The following GREM2 variants were observed in gnomAD, a reference collection of about 807,000 sequenced individuals.
GREM2 encodes gremlin-2.
GREM2 carries 11 observed loss-of-function variants against 14.2 expected under a neutral mutation model. The ratio of observed to expected loss-of-function variants is 0.78; its 90% CI spans 0.49 to 1.28. GREM2 has a LOEUF of 1.28. Ranked by LOEUF, GREM2 falls within the 50% of genes most tolerant of loss-of-function variation. The probability of loss-of-function intolerance (pLI) is 0.00; values close to 1 mark genes in which losing one functional copy is unlikely to be tolerated. For missense variants in GREM2, 210 were observed against 218.5 expected, an observed-to-expected ratio of 0.96 and a Z score of 0.24; for synonymous variants, 98 against 97.6, an observed-to-expected ratio of 1.00 and a Z score of -0.02.
At chr1:240,582,949 T>C (rs887760647) in intron 1 of GREM2, among the ~76,000 whole-genome samples, 1 of 152,208 alleles carries the variant, frequency 6.6e-6, no homozygotes, top group Non-Finnish European at 1.5e-5. Flanking sequence ...ATTCCATGGC[T>C]GATTTTACTT....
chr1:240,494,713 A>G (rs1677366275), intron 1 of GREM2, among the ~76,000 whole-genome samples: 1 of 152,194 alleles, frequency 6.6e-6, no homozygotes, highest in East Asian at 1.9e-4. Flanking sequence ...CATCCTGGCT[A>G]ACACGGTGAA....
chr1:240,492,900 G>A lies in GREM2; in HGVS notation c.*69C>T. On this transcript the variant is annotated 3_prime_UTR_variant, in exon 2 of 2. Transcript: ENST00000318160. Reference sequence around the variant, plus strand: ...CGTGACAGTGGGCTCGGAGGGCAGGGACAGAGGCGGCGGCGGCGCCACCCA... The same window carrying A: ...CGTGACAGTGGGCTCGGAGGGCAGGAACAGAGGCGGCGGCGGCGCCACCCA... 2.3e-6 allele frequency: 3 copies of A among 1,327,096 alleles called. No individual in the cohort carries two copies. Among genetic ancestry groups the A allele is most frequent in the Non-Finnish European group, 9.7e-7 (1 of 1,036,252 alleles). The allele number at this position is 1,327,096 out of a possible 1,614,324, so 82.2% of individuals were successfully genotyped here. A position where few individuals can be genotyped will look rare whatever the true frequency, so the allele number is the denominator to read the frequency against.
At chr1:240,581,033 T>C (rs568850441) in intron 1 of GREM2, among the ~76,000 whole-genome samples, 61 of 152,080 alleles carry the variant, frequency 4.0e-4, no homozygotes, top group African/African-American at 1.5e-3. Context: ...GTAGATCACC[T>C]GAGGTCAAAA....
At chr1:240,536,858 G>A (rs1255077907) in intron 1 of GREM2, among the ~76,000 whole-genome samples, 1 of 152,192 alleles carries the variant, frequency 6.6e-6, no homozygotes, top group Non-Finnish European at 1.5e-5. Flanking sequence ...CTGCTATTTG[G>A]GCTGAACAGA....
intron 1 of GREM2, among the ~76,000 whole-genome samples, chr1:240,602,426 G>C (rs1679942123): frequency 1.3e-5 from 2 of 151,996 alleles, no homozygotes; most frequent in Non-Finnish European, 2.9e-5. Flanking sequence ...CCTCTACAGG[G>C]ACATTTATTC....
In GREM2 at chr1:240,491,549, A is replaced by G. The variant is rs532169416; in HGVS notation, c.*1420T>C. The G allele has an allele frequency of 2.9e-4, 44 of 152,702 alleles. No individual in the cohort carries two copies. Among genetic ancestry groups the G allele is most frequent in the African/African-American group, 1.1e-3 (44 of 41,570 alleles). 9.5% of individuals were successfully genotyped at this position (152,702 alleles called of 1,614,324 possible). A position where few individuals can be genotyped will look rare whatever the true frequency, so the allele number is the denominator to read the frequency against. ...GAAACGTCAACAATTCATTATAAAC[A>G]CAAAAGGTGACCTAATGTTTGTTCG... On this transcript the variant is annotated 3_prime_UTR_variant, in exon 2 of 2. Coordinates refer to ENST00000318160, the MANE Select transcript of GREM2 (RefSeq NM_022469.4).
chr1:240,539,058 A>C (rs1678536147), intron 1 of GREM2, among the ~76,000 whole-genome samples: 1 of 152,212 alleles, frequency 6.6e-6, no homozygotes, highest in Admixed American at 6.5e-5. Context: ...TCTCATGCTT[A>C]TAGAATTTCA....
At chr1:240,604,027 G>T (rs528194757) in intron 1 of GREM2, among the ~76,000 whole-genome samples, 2 of 151,590 alleles carry the variant, frequency 1.3e-5, no homozygotes, top group South Asian at 4.2e-4. Flanking sequence ...ACGGCGAGGG[G>T]TTAAGGGGAG....
Position 240,489,907 on chromosome 1 carries a change from A to AAGTTG in GREM2, c.*3057_*3061dup, listed in dbSNP as rs1227770728. ...AAACTAAGATGAATTATTTCCTAGG[A>AAGTTG]AGTTGAGTTTAATTCCTTTGAAGCC... is the stretch of plus-strand genomic sequence containing the variant. On this transcript the variant is annotated 3_prime_UTR_variant, in exon 2 of 2. Coordinates refer to ENST00000318160, the MANE Select transcript of GREM2 (RefSeq NM_022469.4). 3 of 152,342 alleles carry AAGTTG rather than the reference A, an allele frequency of 2.0e-5. No homozygotes were observed. In the East Asian group the frequency reaches 5.8e-4, roughly 29 times the overall value. 9.4% of individuals were successfully genotyped at this position (152,342 alleles called of 1,614,324 possible). A position where few individuals can be genotyped will look rare whatever the true frequency, so the allele number is the denominator to read the frequency against.
intron 1 of GREM2, among the ~76,000 whole-genome samples, chr1:240,604,647 C>A (rs568821843): frequency 1.3e-5 from 2 of 152,242 alleles, no homozygotes; most frequent in South Asian, 4.1e-4. Context: ...GTCACAGATT[C>A]CCCTCAATTC....
intron 1 of GREM2, among the ~76,000 whole-genome samples, chr1:240,520,791 C>A (rs550572743): frequency 6.6e-6 from 1 of 152,142 alleles, no homozygotes; most frequent in Non-Finnish European, 1.5e-5. Flanking sequence ...GATCCTCTTG[C>A]CTCGGCTTCC....
chr1:240,526,557 C>T (rs371587363), intron 1 of GREM2, among the ~76,000 whole-genome samples: 1 of 152,262 alleles, frequency 6.6e-6, no homozygotes, highest in South Asian at 2.1e-4. Context: ...GTTACTCCTG[C>T]CTTCTTCTCT....
At chr1:240,586,555 T>C (rs975651764) in intron 1 of GREM2, among the ~76,000 whole-genome samples, 1 of 152,112 alleles carries the variant, frequency 6.6e-6, no homozygotes, top group African/African-American at 2.4e-5. Context: ...GATGCTGGTA[T>C]GTAAGGAAGG....
At chr1:240,576,064 A>G (rs1191179294) in intron 1 of GREM2, among the ~76,000 whole-genome samples, 1 of 152,212 alleles carries the variant, frequency 6.6e-6, no homozygotes, top group Non-Finnish European at 1.5e-5. Context: ...AACTTTAAAA[A>G]TATTTTTTCC....
intron 1 of GREM2, among the ~76,000 whole-genome samples, chr1:240,599,738 G>C (rs1394835099): frequency 6.6e-6 from 1 of 152,144 alleles, no homozygotes; most frequent in South Asian, 2.1e-4. Flanking sequence ...TGAAAACCTG[G>C]GAAGGGTAGT....
At chr1:240,577,826 A>G (rs752708330) in intron 1 of GREM2, among the ~76,000 whole-genome samples, 11 of 152,232 alleles carry the variant, frequency 7.2e-5, no homozygotes, top group Non-Finnish European at 1.3e-4. Flanking sequence ...GAAATTCACA[A>G]TGAAAATAAA....
At chr1:240,511,430 T>C (rs1269991664) in intron 1 of GREM2, among the ~76,000 whole-genome samples, 2 of 152,220 alleles carry the variant, frequency 1.3e-5, no homozygotes, top group African/African-American at 4.8e-5. Flanking sequence ...ATGTTTACCA[T>C]GGGAGAATAT....
At chr1:240,554,612 G>A (rs1678918277) in intron 1 of GREM2, among the ~76,000 whole-genome samples, 2 of 152,118 alleles carry the variant, frequency 1.3e-5, no homozygotes, top group Admixed American at 1.3e-4. Flanking sequence ...CACAGGCAGA[G>A]TACCAGCAAT....
chr1:240,505,990 A>AG (rs1677669474), intron 1 of GREM2, among the ~76,000 whole-genome samples: 1 of 152,136 alleles, frequency 6.6e-6, no homozygotes, highest in Non-Finnish European at 1.5e-5. Context: ...TTTTAAAAAA[A>AG]AGATCCAGTT....
Sources: allele counts gnomAD v4.1 joint callset (sites outside exome capture counted in the v4.1 genomes callset), GRCh38; gene constraint gnomAD v4.1.1; transcripts MANE v1.5; gene names NCBI Gene and HGNC (gene_info 2026-07-23, HGNC 2026-07-21).